Variants in INPP4B observed in about 807,000 individuals in gnomAD.
The protein encoded by INPP4B is inositol polyphosphate-4-phosphatase type II B.
INPP4B carries 55 observed loss-of-function variants against 122.5 expected under a neutral mutation model. The observed-to-expected ratio is 0.45, with a 90% CI of 0.36 to 0.56. The LOEUF is 0.56. Among genes scored for constraint, INPP4B ranks in the 20% least tolerant of loss-of-function variants. The probability of loss-of-function intolerance (pLI) is 0.00; values close to 1 mark genes in which losing one functional copy is unlikely to be tolerated. For synonymous variants in INPP4B, 403 were observed against 388.7 expected, an observed-to-expected ratio of 1.04 and a Z score of -0.43; for missense variants, 1,000 against 1,097.7, an observed-to-expected ratio of 0.91 and a Z score of 1.26.
rs772474397 is a variant in INPP4B, at chr4:142,839,273, C to T, written c.-254+6936G>A. On this transcript the variant is annotated intron_variant, in intron 1 of 25. Coordinates refer to ENST00000262992, the MANE Select transcript of INPP4B (RefSeq NM_001101669.3). ...AGGAGTTCGAGACCAGCCTGGCCAA[C>T]ATAGTAAAACCTCATCTCTACTAAA... Among the ~76,000 whole-genome samples, 6 of 152,246 alleles carry T rather than the reference C, an allele frequency of 3.9e-5. No homozygotes were observed. In the Middle Eastern group the frequency reaches 0.01, roughly 261 times the overall value.
chr4:142,660,231 C>A (rs1353007344), intron 2 of INPP4B, among the ~76,000 whole-genome samples: 2 of 152,114 alleles, frequency 1.3e-5, no homozygotes, highest in Admixed American at 1.3e-4. Context: ...CATGGCGAGA[C>A]CTGCCAAGGT....
Position 142,023,959 on chromosome 4 carries a change from T to C in INPP4B, c.*4823A>G, listed in dbSNP as rs1183615546. On this transcript the variant is annotated 3_prime_UTR_variant, in exon 26 of 26. Coordinates refer to ENST00000262992, the MANE Select transcript of INPP4B (RefSeq NM_001101669.3). ...AATTCATTACATTTTTTTTTTTGCT[T>C]ATATTACCTTACTATTTTTCCTGTC... 6.6e-6 allele frequency: 1 copy of C among 152,068 alleles called. No homozygotes were observed. The highest frequency in any genetic ancestry group is 1.5e-5 in the Non-Finnish European group (1 of 68,000). The allele number at this position is 152,068 out of a possible 1,614,324, so 9.4% of individuals were successfully genotyped here. A position where few individuals can be genotyped will look rare whatever the true frequency, so the allele number is the denominator to read the frequency against.
chr4:142,320,159 A>G (rs1769451666), intron 7 of INPP4B, among the ~76,000 whole-genome samples: 2 of 152,306 alleles, frequency 1.3e-5, no homozygotes, highest in East Asian at 3.9e-4. Flanking sequence ...TCCCTCCTCC[A>G]TTAAATTCAG....
At chr4:142,452,925 A>T (rs1814624090) in intron 3 of INPP4B, among the ~76,000 whole-genome samples, 1 of 152,172 alleles carries the variant, frequency 6.6e-6, no homozygotes, top group Non-Finnish European at 1.5e-5. Flanking sequence ...AAAAAAATGG[A>T]ACACGAGCAT....
chr4:142,119,676 T>C (rs376088856), intron 21 of INPP4B, among the ~76,000 whole-genome samples: 5 of 151,558 alleles, frequency 3.3e-5, no homozygotes, highest in African/African-American at 1.2e-4. Context: ...GGGATAGCAT[T>C]AGGAGATATA....
At chr4:142,410,022 C>T (rs1804269004) in intron 5 of INPP4B, among the ~76,000 whole-genome samples, 1 of 152,152 alleles carries the variant, frequency 6.6e-6, no homozygotes, top group Non-Finnish European at 1.5e-5. Context: ...TTCCTGTGGC[C>T]ATTATTTCAA....
chr4:142,297,528 C>T (rs1418524841), intron 9 of INPP4B, among the ~76,000 whole-genome samples: 1 of 152,168 alleles, frequency 6.6e-6, no homozygotes, highest in African/African-American at 2.4e-5. Flanking sequence ...TGTGTGGCAC[C>T]TCCCCCACCT....
At chr4:142,756,305 C>A (rs1770511431) in intron 1 of INPP4B, among the ~76,000 whole-genome samples, 1 of 152,010 alleles carries the variant, frequency 6.6e-6, no homozygotes, top group Middle Eastern at 3.2e-3. Flanking sequence ...GTAAGATTTT[C>A]ATGACATTAG....
At position 142,218,771 on chromosome 4, in the gene INPP4B, A is replaced by C. The variant is rs966420545; in HGVS notation, c.837-9745T>G. Among the ~76,000 whole-genome samples, 3 of 152,312 alleles carry C rather than the reference A, an allele frequency of 2.0e-5. No individual in the cohort carries two copies. The South Asian group carries it at 6.2e-4, about 32-fold the overall frequency. On this transcript the variant is annotated intron_variant, in intron 12 of 25. Transcript: ENST00000262992. ...AACAGCCAAGATGCTTTCATTCATT[A>C]AACAAAATTAGACCTTAAATCAAAC...
At chr4:142,809,820 T>C (rs1024219925) in intron 1 of INPP4B, among the ~76,000 whole-genome samples, 4 of 152,064 alleles carry the variant, frequency 2.6e-5, no homozygotes, top group Non-Finnish European at 5.9e-5. Flanking sequence ...AAGGTTTGAC[T>C]TTTCCTGTTT....
chr4:142,710,916 C>T (rs1013385704), intron 2 of INPP4B, among the ~76,000 whole-genome samples: 6 of 152,214 alleles, frequency 3.9e-5, no homozygotes, highest in African/African-American at 7.2e-5. Flanking sequence ...GTATTTCTCT[C>T]TAGTTTTTGT....
At chr4:142,586,514 T>C (rs1398562897) in intron 2 of INPP4B, among the ~76,000 whole-genome samples, 1 of 152,092 alleles carries the variant, frequency 6.6e-6, no homozygotes, top group Non-Finnish European at 1.5e-5. Context: ...TCTCCATTAT[T>C]CCCAACAGCA....
chr4:142,232,883 C>T (rs754355987), intron 12 of INPP4B, among the ~76,000 whole-genome samples: 7 of 152,144 alleles, frequency 4.6e-5, no homozygotes, highest in Non-Finnish European at 1.0e-4. Context: ...ATCAAACCAG[C>T]CACAACATTC....
chr4:142,793,385 A>C (rs924453075), intron 1 of INPP4B, among the ~76,000 whole-genome samples: 3 of 152,118 alleles, frequency 2.0e-5, no homozygotes, highest in Admixed American at 6.6e-5. Flanking sequence ...AGTTAGTGTT[A>C]AGCTGAATAG....
rs1344687406 is a variant in INPP4B at position 142,354,475 on chromosome 4, T to TATC, written c.373-39714_373-39713insGAT. On this transcript the variant is annotated intron_variant, in intron 7 of 25. Transcript: ENST00000262992. ...CTTGTCTATTTCCATTCGGTACCTTTTATCTATCTTGGGCATTTAAGGAAT... is the reference window on the plus strand; with the variant it reads ...CTTGTCTATTTCCATTCGGTACCTTTATCTATCTATCTTGGGCATTTAAGGAAT... Among the ~76,000 whole-genome samples, 4 of 151,994 alleles carry TATC rather than the reference T, an allele frequency of 2.6e-5. No homozygotes were observed. The East Asian group carries it at 5.8e-4, about 22-fold the overall frequency.
intron 2 of INPP4B, among the ~76,000 whole-genome samples, chr4:142,683,170 T>A (rs893608307): frequency 1.3e-5 from 2 of 151,942 alleles, no homozygotes; most frequent in African/African-American, 4.8e-5. Context: ...TTAAATGTTG[T>A]CACCCTGAAA....
chr4:142,835,277 A>C (rs1782642469), intron 1 of INPP4B, among the ~76,000 whole-genome samples: 1 of 152,150 alleles, frequency 6.6e-6, no homozygotes, highest in Non-Finnish European at 1.5e-5. Context: ...CAGCACTAGG[A>C]GATGTAGGGC....
chr4:142,617,398 A>T (rs1182137775), intron 2 of INPP4B, among the ~76,000 whole-genome samples: 3 of 152,084 alleles, frequency 2.0e-5, no homozygotes, highest in Non-Finnish European at 2.9e-5. Context: ...GGTCACAGGG[A>T]TGACAGCTGG....
At chr4:142,392,764 T>C (rs1279710015) in intron 7 of INPP4B, among the ~76,000 whole-genome samples, 1 of 152,222 alleles carries the variant, frequency 6.6e-6, no homozygotes, top group Non-Finnish European at 1.5e-5. Flanking sequence ...TAGAGTTGGC[T>C]AAACAGAAAA....
Sources: gnomAD v4.1 joint callset for allele counts (sites outside exome capture counted in the v4.1 genomes callset) on GRCh38, gnomAD v4.1.1 for gene constraint, MANE v1.5 for transcripts, NCBI Gene and HGNC (gene_info 2026-07-23, HGNC 2026-07-21) for gene names.